RBFOX1: variants seen among roughly 807,000 people sequenced by gnomAD.
The protein encoded by RBFOX1 is RNA binding protein fox-1 homolog 1.
RBFOX1 carries 8 observed loss-of-function variants against 57.7 expected under a neutral mutation model. The ratio of observed to expected loss-of-function variants is 0.14; its 90% CI spans 0.08 to 0.25. The LOEUF (loss-of-function observed/expected upper bound fraction) is 0.25. Ranked by LOEUF, RBFOX1 falls within the 10% of genes least tolerant of loss-of-function variation. The pLI, the probability that RBFOX1 is intolerant of heterozygous loss-of-function variation, is 1.00. For synonymous variants in RBFOX1, 326 were observed against 222.4 expected, an observed-to-expected ratio of 1.47 and a Z score of -4.15; for missense variants, 611 against 548.5, an observed-to-expected ratio of 1.11 and a Z score of -1.14.
intron 4 of RBFOX1, among the ~76,000 whole-genome samples, chr16:5,870,918 C>G (rs901889787): frequency 1.3e-5 from 2 of 151,872 alleles, no homozygotes; most frequent in Non-Finnish European, 2.9e-5. Flanking sequence ...GCAGAACAAA[C>G]CCCACCTGTG....
intron 3 of RBFOX1, among the ~76,000 whole-genome samples, chr16:6,773,395 TTGTG>T (rs1259180970): frequency 7.1e-6 from 1 of 140,762 alleles, no homozygotes; most frequent in Admixed American, 7.2e-5. Context: ...TGGGGTATAT[TTGTG>T]TGTATCTATG....
chr16:7,149,325 G>A (rs749525277), intron 4 of RBFOX1, among the ~76,000 whole-genome samples: 6 of 152,054 alleles, frequency 3.9e-5, no homozygotes, highest in Non-Finnish European at 7.4e-5. Context: ...GCAGGGTAAA[G>A]AGTCAAGTCT....
chr16:6,840,823 G>A (rs1035817289), intron 3 of RBFOX1, among the ~76,000 whole-genome samples: 4 of 150,034 alleles, frequency 2.7e-5, no homozygotes, highest in Non-Finnish European at 4.4e-5. Flanking sequence ...GGAGGTGGAG[G>A]TTGTGGTGAG....
At chr16:5,474,722 T>C (rs1236137748) in intron 2 of RBFOX1, among the ~76,000 whole-genome samples, 1 of 152,230 alleles carries the variant, frequency 6.6e-6, no homozygotes, top group African/African-American at 2.4e-5. Context: ...CTTATTTATT[T>C]TATAAGCATG....
chr16:6,974,875 C>A (rs147923283), intron 3 of RBFOX1, among the ~76,000 whole-genome samples: 10 of 152,102 alleles, frequency 6.6e-5, no homozygotes, highest in Non-Finnish European at 1.2e-4. Flanking sequence ...GAAGGTGTTT[C>A]TTTCTGCAAA....
rs1567684485 is a variant in RBFOX1 at position 6,210,362 on chromosome 16, A to AAC, written c.-126-106632_-126-106631insCA. 1.6e-3 allele frequency among the ~76,000 whole-genome samples: 40 copies of AAC among 25,066 alleles called. 2 individuals are homozygous for AAC. The highest frequency in any genetic ancestry group is 2.3e-3 in the South Asian group (2 of 862). 16.4% of individuals were successfully genotyped at this position (25,066 alleles called of 152,430 possible). A position where few individuals can be genotyped will look rare whatever the true frequency, so the allele number is the denominator to read the frequency against. ...CAAAAAAACAAAAAAAAAAAACACC[A>AAC]AAAAAAAAAAAAAAAAGAGAAAGGA... On this transcript the variant is annotated intron_variant, in intron 1 of 15. Transcript: ENST00000550418.
intron 3 of RBFOX1, among the ~76,000 whole-genome samples, chr16:5,732,134 C>A (rs550615613): frequency 6.6e-6 from 1 of 152,194 alleles, no homozygotes; most frequent in Non-Finnish European, 1.5e-5. Flanking sequence ...TGGAATTCTA[C>A]AGATAATTGC....
chr16:6,150,672 C>G (rs886840762), intron 1 of RBFOX1, among the ~76,000 whole-genome samples: 1 of 152,112 alleles, frequency 6.6e-6, no homozygotes, highest in Admixed American at 6.6e-5. Context: ...CATTGCTGGT[C>G]CTAATGATCT....
chr16:5,471,462 A>G (rs2069132744), intron 2 of RBFOX1, among the ~76,000 whole-genome samples: 1 of 152,104 alleles, frequency 6.6e-6, no homozygotes, highest in Non-Finnish European at 1.5e-5. Flanking sequence ...AACAGAGAGG[A>G]TCCAGGTCCC....
chr16:7,455,183 T>A lies in RBFOX1; in HGVS notation c.28-62964T>A, dbSNP rs182357240. Among the ~76,000 whole-genome samples the A allele has an allele frequency of 1.8e-4, 27 of 152,322 alleles. No individual in the cohort carries two copies. The East Asian group carries it at 4.3e-3, about 24-fold the overall frequency. The stretch of plus-strand genomic sequence containing the variant: ...CTAGATTTTGATTGGAAATTCTCTC[T>A]TCTGAATCCTTTAGCCTACCAAATG... On this transcript the variant is annotated intron_variant, in intron 4 of 15. Transcript: ENST00000550418.
At chr16:6,108,782 C>G (rs1303576972) in intron 1 of RBFOX1, among the ~76,000 whole-genome samples, 2 of 152,076 alleles carry the variant, frequency 1.3e-5, no homozygotes, top group African/African-American at 4.8e-5. Context: ...TGGCCACATC[C>G]CTGACTCCTT....
At chr16:5,514,542 T>C (rs2043721104) in intron 2 of RBFOX1, among the ~76,000 whole-genome samples, 1 of 152,180 alleles carries the variant, frequency 6.6e-6, no homozygotes, top group African/African-American at 2.4e-5. Flanking sequence ...GAAGGCATAG[T>C]GTGGGTACAC....
chr16:6,866,246 G>A (rs1016737934), intron 3 of RBFOX1, among the ~76,000 whole-genome samples: 3 of 151,886 alleles, frequency 2.0e-5, no homozygotes, highest in Non-Finnish European at 4.4e-5. Flanking sequence ...TTCTGGAAAT[G>A]TAAACTACTT....
chr16:6,749,940 G>A (rs1221523085), intron 3 of RBFOX1, among the ~76,000 whole-genome samples: 5 of 152,194 alleles, frequency 3.3e-5, no homozygotes, highest in Admixed American at 3.3e-4. Flanking sequence ...GTGTCAGGGT[G>A]TTCAGAGTTA....
At chr16:7,709,418 C>A in intron 15 of RBFOX1, 2 of 1,306,076 alleles carry the variant, frequency 1.5e-6, no homozygotes, top group Non-Finnish European at 2.0e-6. Context: ...TTAAATCCAT[C>A]ACTAACAGAA....
chr16:7,029,011 C>G (rs1162548482), intron 3 of RBFOX1, among the ~76,000 whole-genome samples: 4 of 128,236 alleles, frequency 3.1e-5, no homozygotes, highest in Non-Finnish European at 6.3e-5. Context: ...CTAACGGTTT[C>G]TAGTAATGCT....
intron 2 of RBFOX1, among the ~76,000 whole-genome samples, chr16:6,578,357 G>A (rs1316283677): frequency 6.6e-6 from 1 of 152,188 alleles, no homozygotes; most frequent in Non-Finnish European, 1.5e-5. Context: ...CCGGGACACA[G>A]CAGTGGGTGA....
intron 3 of RBFOX1, among the ~76,000 whole-genome samples, chr16:5,609,549 G>A (rs2047701300): frequency 6.6e-6 from 1 of 152,232 alleles, no homozygotes; most frequent in African/African-American, 2.4e-5. Flanking sequence ...AGCATGTAGA[G>A]ATGTCCACCG....
chr16:6,842,892 A>G (rs891207047), intron 3 of RBFOX1, among the ~76,000 whole-genome samples: 8 of 151,200 alleles, frequency 5.3e-5, no homozygotes, highest in Middle Eastern at 3.2e-3. Flanking sequence ...TCATTGTTCA[A>G]CTCCGACTTA....
Sources: allele counts gnomAD v4.1 joint callset (sites outside exome capture counted in the v4.1 genomes callset), GRCh38; gene constraint gnomAD v4.1.1; transcripts MANE v1.5; gene names NCBI Gene and HGNC (gene_info 2026-07-23, HGNC 2026-07-21).